The following OTOA variants were observed in gnomAD, a reference collection of about 807,000 sequenced individuals.
OTOA encodes the protein otoancorin.
Under a neutral mutation model 110.8 loss-of-function variants are expected in OTOA, and 70 were observed. The ratio of observed to expected loss-of-function variants is 0.63; its 90% CI spans 0.52 to 0.77. The LOEUF (loss-of-function observed/expected upper bound fraction) is 0.77. Among genes scored for constraint, OTOA ranks in the 30% least tolerant of loss-of-function variants. The pLI is 0.00. For missense variants in OTOA, 917 were observed against 1,075.8 expected (o/e 0.85, Z 2.06); for synonymous variants, 373 against 431.5 (o/e 0.86, Z 1.68).
Position 21,709,876 on chromosome 16 carries a change from C to T in OTOA, c.1105-12C>T. On this transcript the variant is annotated splice_polypyrimidine_tract_variant and intron_variant, in intron 12 of 28. Coordinates refer to ENST00000646100, the MANE Select transcript of OTOA (RefSeq NM_144672.4). ...TCCTGTCAACACTCATTCCAGTTTG[C>T]TCTCCTTCCAGCTCAAAGCAGAACT... is the stretch of plus-strand genomic sequence containing the variant. 6.2e-7 allele frequency: 1 copy of T among 1,604,966 alleles called. No individual in the cohort carries two copies. The highest frequency in any genetic ancestry group is 8.5e-7 in the Non-Finnish European group (1 of 1,171,750).
Position 21,722,911 on chromosome 16 carries a change from T to A in OTOA, c.1813T>A (p.Cys605Ser). 6.2e-7 allele frequency: 1 copy of A among 1,614,094 alleles called. No individual in the cohort carries two copies. Among genetic ancestry groups the A allele is most frequent in the Non-Finnish European group, 8.5e-7 (1 of 1,179,958 alleles). ...FALLSPYQVN[C>S]LAWKYWEVSR... Reference sequence around the variant, plus strand: ...GAACTGCTTAATCTTTCAGGTTAATTGTTTGGCGTGGAAATACTGGGAAGT... The same window carrying A: ...GAACTGCTTAATCTTTCAGGTTAATAGTTTGGCGTGGAAATACTGGGAAGT... Residue 605 changes from cysteine to serine, a missense_variant, in exon 18 of 29, where the codon TGT (cysteine) becomes AGT (serine). Physicochemically the swap from Cys to Ser is moderately radical, Grantham distance 112 (BLOSUM62 -1). This residue lies in a region of OTOA where 840 missense variants were observed against 910.2 expected (regional missense o/e 0.92). Transcript: ENST00000646100.
At chr16:21,702,173 C>T (rs1898066868) in intron 11 of OTOA, among the ~76,000 whole-genome samples, 2 of 152,176 alleles carry the variant, frequency 1.3e-5, no homozygotes, top group Non-Finnish European at 2.9e-5. Flanking sequence ...TGGTCTCAAA[C>T]TCCTGACCTC....
At chr16:21,727,452 G>T (rs1407239475) in intron 19 of OTOA, among the ~76,000 whole-genome samples, 2 of 152,148 alleles carry the variant, frequency 1.3e-5, no homozygotes, top group African/African-American at 4.8e-5. Flanking sequence ...ATGGATAATA[G>T]TAGTACTTAC....
intron 13 of OTOA, among the ~76,000 whole-genome samples, chr16:21,714,385 TTCTCTCTTTCTTTC>T (rs1898472168): frequency 8.4e-6 from 1 of 119,294 alleles, no homozygotes; most frequent in Admixed American, 8.2e-5. Flanking sequence ...CTTTCTCTCT[TTCTCTCTTTCTTTC>T]TCTTTCTTTC....
intron 20 of OTOA, among the ~76,000 whole-genome samples, chr16:21,729,258 A>G (rs1397376681): frequency 6.6e-6 from 1 of 151,936 alleles, no homozygotes; most frequent in Non-Finnish European, 1.5e-5. Context: ...GTGGGTCTTG[A>G]ACTCCTGGGC....
chr16:21,697,261 G>A (rs889390175), intron 9 of OTOA, among the ~76,000 whole-genome samples: 9 of 152,110 alleles, frequency 5.9e-5, no homozygotes, highest in African/African-American at 2.2e-4. Context: ...GGTCTGAGGT[G>A]GTGCGAATCT....
Position 21,709,969 on chromosome 16 carries a change from G to T in OTOA, c.1186G>T (p.Gly396Cys). Reference sequence around the variant, plus strand: ...GGGTTCTTTGTCGGATGCAGTTGTAGGTTTGACCTACAGCCAACTGGAATC... The same window carrying T: ...GGGTTCTTTGTCGGATGCAGTTGTATGTTTGACCTACAGCCAACTGGAATC... The part of the protein sequence containing the change: ...TLGSLSDAVV[G>C]LTYSQLESLS... The change falls in exon 13 of 29, where the codon GGT (glycine) becomes TGT (cysteine). Residue 396 changes from glycine (G) to cysteine (C), a missense_variant. Around this residue, in one of 6 missense-constraint regions of OTOA, gnomAD observed 840 missense variants for 910.2 expected, o/e 0.92. Transcript: ENST00000646100. 6.2e-7 allele frequency: 1 copy of T among 1,614,024 alleles called. No homozygotes were observed. The highest frequency in any genetic ancestry group is 8.5e-7 in the Non-Finnish European group (1 of 1,179,952).
At chr16:21,690,243 T>C (rs1329776406) in intron 8 of OTOA, among the ~76,000 whole-genome samples, 2 of 152,222 alleles carry the variant, frequency 1.3e-5, no homozygotes, top group East Asian at 1.9e-4. Flanking sequence ...GTTTGTTACA[T>C]AGGTAAACGT....
At chr16:21,689,462 T>C (rs1294640117) in intron 8 of OTOA, among the ~76,000 whole-genome samples, 2 of 152,198 alleles carry the variant, frequency 1.3e-5, no homozygotes, top group African/African-American at 4.8e-5. Context: ...GAGAGTTTAT[T>C]GGTTACTGCT....
chr16:21,700,618 C>T (rs576854462), intron 10 of OTOA, among the ~76,000 whole-genome samples: 124 of 150,158 alleles, frequency 8.3e-4, no homozygotes, highest in African/African-American at 2.3e-3. Flanking sequence ...CCAGCTACTC[C>T]GGAGGCTGAG....
intron 7 of OTOA, among the ~76,000 whole-genome samples, chr16:21,686,289 CT>C (rs34034416): frequency 0.033 from 4,681 of 140,480 alleles, 97 homozygotes; most frequent in Middle Eastern, 0.1. Context: ...AAAATGGAGG[CT>C]TTTTTTTTTT....
intron 9 of OTOA, among the ~76,000 whole-genome samples, chr16:21,695,877 ATATATATATATATATT>A (rs1253746257): frequency 2.9e-5 from 1 of 34,692 alleles, no homozygotes; most frequent in Non-Finnish European, 5.7e-5. Context: ...ATATATATAT[ATATATATATATATATT>A]TTTTTTTTTT....
At chr16:21,667,381 G>A (rs1037498149) in intron 1 of OTOA, among the ~76,000 whole-genome samples, 4 of 152,256 alleles carry the variant, frequency 2.6e-5, no homozygotes, top group African/African-American at 4.8e-5. Context: ...GCGGCTGGGC[G>A]CGGTGGCTCA....
intron 1 of OTOA, among the ~76,000 whole-genome samples, chr16:21,664,789 T>C (rs1179198061): frequency 6.6e-6 from 1 of 151,624 alleles, no homozygotes; most frequent in African/African-American, 2.4e-5. Flanking sequence ...CTGGCCAAAG[T>C]GGTGAAATTC....
chr16:21,760,421 G>A (rs1900131939), intron 28 of OTOA, 49 bp from the exon 29 acceptor site: 4 of 1,348,232 alleles, frequency 3.0e-6, no homozygotes, highest in Non-Finnish European at 4.2e-6. Context: ...TCTACCTTCT[G>A]CTTGCTGCCA....
At chr16:21,681,243 C>A (rs1185627906) in intron 5 of OTOA, among the ~76,000 whole-genome samples, 4 of 152,246 alleles carry the variant, frequency 2.6e-5, no homozygotes, top group East Asian at 3.9e-4. Context: ...AGAATGGGAT[C>A]CAGGCAGATT....
intron 8 of OTOA, among the ~76,000 whole-genome samples, chr16:21,689,443 A>G (rs1449667234): frequency 6.6e-6 from 1 of 152,142 alleles, no homozygotes; most frequent in Non-Finnish European, 1.5e-5. Flanking sequence ...AGAGAACATC[A>G]TTGGGAGAGA....
chr16:21,731,190 C>T (rs1384948350), intron 21 of OTOA, among the ~76,000 whole-genome samples: 2 of 152,226 alleles, frequency 1.3e-5, no homozygotes, highest in African/African-American at 2.4e-5. Context: ...TTAGCTACCA[C>T]TCTGCTATTA....
At chr16:21,684,492 A>G (rs1466522833) in intron 6 of OTOA, 2 of 1,549,138 alleles carry the variant, frequency 1.3e-6, no homozygotes, top group Admixed American at 2.0e-5. Context: ...CTGGGGTTCT[A>G]AACTTCCTGG....
Sources: allele counts gnomAD v4.1 joint callset (sites outside exome capture counted in the v4.1 genomes callset), GRCh38; gene constraint gnomAD v4.1.1; regional missense constraint gnomAD v4.1.1; transcripts MANE v1.5; gene names NCBI Gene and HGNC (gene_info 2026-07-23, HGNC 2026-07-21).